ZSWIM6: variants seen among roughly 807,000 people sequenced by gnomAD.
ZSWIM6 encodes the protein zinc finger SWIM domain-containing protein 6.
In ZSWIM6, 9 loss-of-function variants were observed where a neutral mutation model predicts 113.2. The observed-to-expected ratio is 0.08, with a 90% CI of 0.05 to 0.14. The LOEUF is 0.14. ZSWIM6 is among the 10% of genes least tolerant of loss of function. The pLI is 1.00. For synonymous variants in ZSWIM6, 611 were observed against 606.5 expected (o/e 1.01, Z -0.11); for missense variants, 1,162 against 1,552.2 (o/e 0.75, Z 4.22).
At chr5:61,440,745 G>A (rs1475401095) in intron 1 of ZSWIM6, among the ~76,000 whole-genome samples, 1 of 152,188 alleles carries the variant, frequency 6.6e-6, no homozygotes, top group Non-Finnish European at 1.5e-5. Flanking sequence ...TGTTGGTTGA[G>A]TGAAAGGGGA....
At chr5:61,508,596 A>T (rs570940789) in intron 4 of ZSWIM6, among the ~76,000 whole-genome samples, 7 of 152,310 alleles carry the variant, frequency 4.6e-5, no homozygotes, top group African/African-American at 1.7e-4. Flanking sequence ...GATAGGTTAA[A>T]GATGGCCACA....
chr5:61,453,357 CTTT>C (rs1352258176), intron 1 of ZSWIM6, among the ~76,000 whole-genome samples: 1 of 149,240 alleles, frequency 6.7e-6, no homozygotes, highest in Non-Finnish European at 1.5e-5. Context: ...GGTGAGAACA[CTTT>C]ACGTCCACTC....
At chr5:61,467,123 A>G (rs946852340) in intron 1 of ZSWIM6, among the ~76,000 whole-genome samples, 6 of 152,204 alleles carry the variant, frequency 3.9e-5, no homozygotes, top group African/African-American at 1.4e-4. Flanking sequence ...GCATTATAAG[A>G]GCAGTTCTTC....
intron 1 of ZSWIM6, among the ~76,000 whole-genome samples, chr5:61,427,540 A>G (rs1561233058): frequency 6.6e-6 from 1 of 151,954 alleles, no homozygotes; most frequent in South Asian, 2.1e-4. Flanking sequence ...GTGTAGTGGC[A>G]TGTTTGTAAC....
chr5:61,530,470 TC>T (rs1749400308), intron 8 of ZSWIM6, among the ~76,000 whole-genome samples: 1 of 152,208 alleles, frequency 6.6e-6, no homozygotes, highest in Non-Finnish European at 1.5e-5. Flanking sequence ...TACGAATTTA[TC>T]CACATTTATG....
chr5:61,372,091 A>G (rs1429922544), intron 1 of ZSWIM6, among the ~76,000 whole-genome samples: 1 of 151,856 alleles, frequency 6.6e-6, no homozygotes, highest in Non-Finnish European at 1.5e-5. Context: ...TCACTGTCAT[A>G]CTACAGAAAT....
At chr5:61,368,514 TGCC>T (rs915877739) in intron 1 of ZSWIM6, among the ~76,000 whole-genome samples, 2 of 152,228 alleles carry the variant, frequency 1.3e-5, no homozygotes, top group African/African-American at 4.8e-5. Flanking sequence ...CTGAGCAGTC[TGCC>T]TTTGGTTTTC....
At chr5:61,523,817 C>T (rs1285175445) in intron 5 of ZSWIM6, among the ~76,000 whole-genome samples, 1 of 152,122 alleles carries the variant, frequency 6.6e-6, no homozygotes, top group African/African-American at 2.4e-5. Flanking sequence ...CTTTTGTTGT[C>T]ATTGGTTTTA....
At chr5:61,391,341 C>T in intron 1 of ZSWIM6, 1 of 826,996 alleles carries the variant, frequency 1.2e-6, no homozygotes, top group Non-Finnish European at 2.2e-6. Flanking sequence ...TCAGGTGGGC[C>T]TTCCTCTGGT....
chr5:61,437,708 C>A (rs1314084534), intron 1 of ZSWIM6, among the ~76,000 whole-genome samples: 4 of 144,488 alleles, frequency 2.8e-5, no homozygotes, highest in Admixed American at 2.1e-4. Flanking sequence ...CAGAACCAGA[C>A]CCTTTCTCCA....
At chr5:61,536,703 A>G (rs1276668274) in intron 10 of ZSWIM6, among the ~76,000 whole-genome samples, 1 of 152,198 alleles carries the variant, frequency 6.6e-6, no homozygotes, top group African/African-American at 2.4e-5. Flanking sequence ...TTATGCAGTG[A>G]TAAGGATGTG....
intron 11 of ZSWIM6, 101 bp from the exon 12 acceptor site, chr5:61,539,495 T>A: frequency 7.5e-7 from 1 of 1,332,762 alleles, no homozygotes; most frequent in East Asian, 2.5e-5. Flanking sequence ...TGTTTCTTTT[T>A]TCCCCCTCTG....
At chr5:61,513,825 A>G (rs1464144853) in intron 4 of ZSWIM6, among the ~76,000 whole-genome samples, 1 of 152,046 alleles carries the variant, frequency 6.6e-6, no homozygotes. Flanking sequence ...CTATGTGCCT[A>G]TCCCTTCATC....
intron 1 of ZSWIM6, among the ~76,000 whole-genome samples, chr5:61,385,443 C>T (rs535919369): frequency 2.1e-4 from 32 of 152,206 alleles, no homozygotes; most frequent in African/African-American, 7.2e-4. Context: ...GAAAGGCATC[C>T]GATTTGACAG....
rs779627872 is a variant in ZSWIM6, at chr5:61,544,421, C to T, written c.*104C>T. 31 of 745,688 alleles carry T rather than the reference C, an allele frequency of 4.2e-5. No individual in the cohort carries two copies. Among genetic ancestry groups the T allele is most frequent in the Middle Eastern group, 3.3e-4 (1 of 3,026 alleles). The allele number at this position is 745,688 out of a possible 1,614,324, so 46.2% of individuals were successfully genotyped here. On this transcript the variant is annotated 3_prime_UTR_variant, in exon 14 of 14. Transcript: ENST00000252744. ...TTTAACTTAAAGAACAGAGCCACACCGGTATTATATGTGTATAGTTATATT... is the reference window on the plus strand; with the variant it reads ...TTTAACTTAAAGAACAGAGCCACACTGGTATTATATGTGTATAGTTATATT...
intron 1 of ZSWIM6, among the ~76,000 whole-genome samples, chr5:61,336,859 T>C (rs897266283): frequency 2.0e-5 from 3 of 152,110 alleles, no homozygotes; most frequent in Non-Finnish European, 4.4e-5. Flanking sequence ...GGACCAAAGG[T>C]TGGTAGAAAA....
intron 5 of ZSWIM6, 85 bp downstream of exon 5, chr5:61,521,527 G>A (rs1022296678): frequency 3.9e-5 from 44 of 1,138,318 alleles, no homozygotes; most frequent in Non-Finnish European, 4.9e-5. Flanking sequence ...ATGTATATGG[G>A]AAAATGATTT....
chr5:61,413,728 G>C (rs1746191149), intron 1 of ZSWIM6, among the ~76,000 whole-genome samples: 1 of 152,198 alleles, frequency 6.6e-6, no homozygotes, highest in Non-Finnish European at 1.5e-5. Context: ...ATTGGTGTGA[G>C]ATGGTATCTC....
chr5:61,434,147 CATAT>C (rs982790273), intron 1 of ZSWIM6, among the ~76,000 whole-genome samples: 3 of 143,456 alleles, frequency 2.1e-5, no homozygotes, highest in East Asian at 2.0e-4. Context: ...CTATATATAA[CATAT>C]ATATAAATAT....
Sources: gnomAD v4.1 joint callset for allele counts (sites outside exome capture counted in the v4.1 genomes callset) on GRCh38, gnomAD v4.1.1 for gene constraint, MANE v1.5 for transcripts, NCBI Gene and HGNC (gene_info 2026-07-23, HGNC 2026-07-21) for gene names.